The following SNX4 variants were observed in gnomAD, a reference collection of about 807,000 sequenced individuals.
The protein encoded by SNX4 is sorting nexin-4.
In SNX4, 49 loss-of-function variants were observed where a neutral mutation model predicts 70.8. That is an observed-to-expected ratio of 0.69 (90% CI 0.55 to 0.88). SNX4 has a LOEUF of 0.88. SNX4 is among the 40% of genes least tolerant of loss of function. The pLI is 0.00. For synonymous variants in SNX4, 206 were observed against 183.8 expected, an observed-to-expected ratio of 1.12 and a Z score of -0.98; for missense variants, 528 against 544.8, an observed-to-expected ratio of 0.97 and a Z score of 0.31.
chr3:125,515,887 T>TA (rs1184886904), intron 1 of SNX4, among the ~76,000 whole-genome samples: 1 of 152,060 alleles, frequency 6.6e-6, no homozygotes, highest in East Asian at 1.9e-4. Flanking sequence ...TCTCAATCAA[T>TA]AAAAAATTAG....
chr3:125,507,191 G>GAAAAAAAAAAAAAAA (rs753584700), intron 1 of SNX4, among the ~76,000 whole-genome samples: 2 of 90,800 alleles, frequency 2.2e-5, no homozygotes, highest in African/African-American at 4.1e-5. Flanking sequence ...CTGGGTGATA[G>GAAAAAAAAAAAAAAA]AAAAAAAAAA....
chr3:125,518,769 G>A (rs11917095), intron 1 of SNX4, among the ~76,000 whole-genome samples: 43,419 of 151,706 alleles, frequency 0.29, 6,753 homozygotes, highest in Admixed American at 0.39. Context: ...TTGGGAGGCC[G>A]AGGAGGGTGG....
chr3:125,454,855 C>A (rs1469633126), intron 11 of SNX4, among the ~76,000 whole-genome samples: 3 of 152,156 alleles, frequency 2.0e-5, no homozygotes. Flanking sequence ...TTTACAGAGT[C>A]ATAGCCAAGA....
intron 8 of SNX4, among the ~76,000 whole-genome samples, chr3:125,472,103 C>A (rs1003929554): frequency 1.3e-5 from 2 of 152,104 alleles, no homozygotes; most frequent in African/African-American, 4.8e-5. Context: ...CTAGTCACAG[C>A]TCAGTCTTTT....
intron 6 of SNX4, among the ~76,000 whole-genome samples, chr3:125,482,281 C>G (rs1934429437): frequency 6.6e-6 from 1 of 152,186 alleles, no homozygotes; most frequent in African/African-American, 2.4e-5. Context: ...TACTTGCTTC[C>G]ATAGCCAAAG....
At chr3:125,519,925 G>T (rs1230603185) in intron 1 of SNX4, 107 bp downstream of exon 1, 9 of 1,088,490 alleles carry the variant, frequency 8.3e-6, no homozygotes, top group African/African-American at 1.7e-5. Context: ...GGGCCTCCTC[G>T]GCCGAGCCCA....
chr3:125,495,285 C>CACACAT (rs1553727807), intron 5 of SNX4, among the ~76,000 whole-genome samples: 1 of 61,802 alleles, frequency 1.6e-5, no homozygotes, highest in Non-Finnish European at 3.4e-5. Context: ...TATACACATA[C>CACACAT]ACACACACAC....
intron 5 of SNX4, 94 bp downstream of exon 5, chr3:125,497,247 C>A: frequency 1.5e-6 from 1 of 688,886 alleles, no homozygotes; most frequent in Non-Finnish European, 2.5e-6. Context: ...TTCCAACATT[C>A]ATTTATTCAA....
intron 1 of SNX4, among the ~76,000 whole-genome samples, chr3:125,511,673 G>A (rs1199533358): frequency 6.6e-6 from 1 of 152,158 alleles, no homozygotes; most frequent in East Asian, 1.9e-4. Context: ...CAGGATAACT[G>A]CTATGCTATG....
At chr3:125,468,242 T>TA (rs1254211939) in intron 9 of SNX4, among the ~76,000 whole-genome samples, 3 of 152,130 alleles carry the variant, frequency 2.0e-5, no homozygotes, top group Non-Finnish European at 4.4e-5. Flanking sequence ...AATGCCTACT[T>TA]AAGGGTGGAG....
In SNX4 at chr3:125,495,277, T is replaced by TATATATATATATATACACAC; in HGVS notation, c.597+2063_597+2064insGTGTGTATATATATATATAT. 1.5e-3 allele frequency among the ~76,000 whole-genome samples: 147 copies of TATATATATATATATACACAC among 99,588 alleles called. 1 individual carries two copies. The highest frequency in any genetic ancestry group is 2.0e-3 in the Non-Finnish European group (101 of 49,390). 65.3% of individuals were successfully genotyped at this position (99,588 alleles called of 152,430 possible). A position where few individuals can be genotyped will look rare whatever the true frequency, so the allele number is the denominator to read the frequency against. ...ATATATATATATATATATATATATA[T>TATATATATATATATACACAC]ACACATACACACACACACACGTATG... On this transcript the variant is annotated intron_variant, in intron 5 of 13. Transcript: ENST00000251775.
At chr3:125,461,331 A>G (rs1425325270) in intron 9 of SNX4, among the ~76,000 whole-genome samples, 1 of 152,252 alleles carries the variant, frequency 6.6e-6, no homozygotes, top group Non-Finnish European at 1.5e-5. Context: ...AGTGAGAATT[A>G]GCGTTTAGAA....
chr3:125,510,613 C>T (rs1011564183), intron 1 of SNX4, among the ~76,000 whole-genome samples: 3 of 152,106 alleles, frequency 2.0e-5, no homozygotes, highest in African/African-American at 7.2e-5. Context: ...TCATATGCTA[C>T]AACATGGATA....
chr3:125,509,330 CAAA>C (rs577424404), intron 1 of SNX4, among the ~76,000 whole-genome samples: 4 of 55,268 alleles, frequency 7.2e-5, no homozygotes, highest in Non-Finnish European at 4.2e-5. Context: ...AACTCCGTCT[CAAA>C]AAAAAAAAAA....
At chr3:125,510,805 C>T (rs1250298193) in intron 1 of SNX4, among the ~76,000 whole-genome samples, 1 of 152,182 alleles carries the variant, frequency 6.6e-6, no homozygotes, top group African/African-American at 2.4e-5. Context: ...ACAATTTCAG[C>T]TCTGCAAGAT....
intron 2 of SNX4, among the ~76,000 whole-genome samples, chr3:125,500,799 C>CAAAAAAAAAAAAAAA (rs770336677): frequency 6.8e-5 from 2 of 29,298 alleles, no homozygotes. Context: ...GACTCCGTCT[C>CAAAAAAAAAAAAAAA]AAAAAAAAAA....
Position 125,469,492 on chromosome 3 carries a change from C to T in SNX4, c.816G>A (p.Met272Ile), listed in dbSNP as rs1934114572. The change falls in exon 9 of 14, where the codon ATG (methionine) becomes ATA (isoleucine). Residue 272 changes from methionine (M) to isoleucine (I), a missense_variant. Coordinates refer to ENST00000251775, the MANE Select transcript of SNX4 (RefSeq NM_003794.4). ...GACCAGCACTCTGCAGTCCATCACC[C>T]ATTTCTTTTTCTATGGCACTCCATT... ...FSEWSAIEKE[M>I]GDGLQSAGHH... is the part of the protein sequence containing the mutation. 1.2e-6 allele frequency: 2 copies of T among 1,613,576 alleles called. No homozygotes were observed. The highest frequency in any genetic ancestry group is 1.7e-6 in the Non-Finnish European group (2 of 1,179,692).
chr3:125,481,945 G>C (rs1934421195), intron 6 of SNX4, among the ~76,000 whole-genome samples: 1 of 151,750 alleles, frequency 6.6e-6, no homozygotes, highest in Admixed American at 6.6e-5. Context: ...GAATGCAGTG[G>C]CTTGATCCTA....
chr3:125,502,438 T>C (rs1189863264), intron 2 of SNX4, among the ~76,000 whole-genome samples: 1 of 152,078 alleles, frequency 6.6e-6, no homozygotes, highest in East Asian at 1.9e-4. Context: ...GTAGACAATC[T>C]TCACCAAGAT....
Sources: allele counts gnomAD v4.1 joint callset (sites outside exome capture counted in the v4.1 genomes callset), GRCh38; gene constraint gnomAD v4.1.1; transcripts MANE v1.5; gene names NCBI Gene and HGNC (gene_info 2026-07-23, HGNC 2026-07-21).